The following CEP95 variants were observed in gnomAD, a reference collection of about 807,000 sequenced individuals.
The protein encoded by CEP95 is centrosomal protein of 95 kDa.
Under a neutral mutation model 111.2 loss-of-function variants are expected in CEP95, and 98 were observed. The ratio of observed to expected loss-of-function variants is 0.88; its 90% CI spans 0.75 to 1.04. CEP95 has a LOEUF of 1.04. CEP95 is among the 50% of genes least tolerant of loss of function. The pLI, the probability that CEP95 is intolerant of heterozygous loss-of-function variation, is 0.00. For synonymous variants in CEP95, 323 were observed against 327.1 expected, an observed-to-expected ratio of 0.99 and a Z score of 0.14; for missense variants, 1,027 against 977.2, an observed-to-expected ratio of 1.05 and a Z score of -0.68.
At chr17:64,507,586 G>T (rs1378989616) in intron 1 of CEP95, 10 of 1,016,014 alleles carry the variant, frequency 9.8e-6, no homozygotes, top group Non-Finnish European at 1.1e-5. Flanking sequence ...TCTCTTCAGT[G>T]CCCTCTAGAG....
At chr17:64,513,425 A>T (rs1471548563) in intron 3 of CEP95, among the ~76,000 whole-genome samples, 1 of 152,208 alleles carries the variant, frequency 6.6e-6, no homozygotes, top group African/African-American at 2.4e-5. Context: ...TCAAGTTTCC[A>T]TGCTTTTTGC....
chr17:64,507,577 C>G (rs1555673375), intron 1 of CEP95: 6 of 1,025,638 alleles, frequency 5.9e-6, no homozygotes, highest in African/African-American at 3.5e-5. Context: ...GTGCTTTTTT[C>G]TCTTCAGTGC....
At chr17:64,508,758 C>G (rs1418978200) in intron 2 of CEP95, 38 bp downstream of exon 2, 2 of 1,204,032 alleles carry the variant, frequency 1.7e-6, no homozygotes, top group Non-Finnish European at 2.2e-6. Flanking sequence ...TTGCCTATAT[C>G]TTAGGCCAAA....
intron 14 of CEP95, 150 bp downstream of exon 14, chr17:64,532,172 T>A: frequency 7.4e-7 from 1 of 1,353,402 alleles, no homozygotes; most frequent in Non-Finnish European, 9.5e-7. Flanking sequence ...TGGCTGGTTT[T>A]CCGTAGAGGG....
intron 6 of CEP95, among the ~76,000 whole-genome samples, chr17:64,520,101 G>T (rs541033809): frequency 6.6e-6 from 1 of 152,320 alleles, no homozygotes; most frequent in East Asian, 1.9e-4. Flanking sequence ...CCAGAGTCAA[G>T]TGTGGATACT....
At chr17:64,532,096 G>A in intron 14 of CEP95, 74 bp downstream of exon 14, 2 of 1,418,452 alleles carry the variant, frequency 1.4e-6, no homozygotes, top group Non-Finnish European at 9.2e-7. Context: ...CAAGGACACA[G>A]CACTGAAAGC....
In CEP95 at chr17:64,516,602, AC is replaced by A. The variant is rs2039156687; in HGVS notation, c.368-118del. 4 of 499,694 alleles carry A rather than the reference AC, an allele frequency of 8.0e-6. No homozygotes were observed. The Admixed American group carries it at 1.5e-4, about 19-fold the overall frequency. 31.0% of individuals were successfully genotyped at this position (499,694 alleles called of 1,614,324 possible). A position where few individuals can be genotyped will look rare whatever the true frequency, so the allele number is the denominator to read the frequency against. Reference sequence around the variant, plus strand: ...TCTTTCTGATTGCACTTTCACTAGAACCCTGTTTACCATGGCAAGTTAGGGG... The same window carrying A: ...TCTTTCTGATTGCACTTTCACTAGAACCTGTTTACCATGGCAAGTTAGGGG... On this transcript the variant is annotated intron_variant, in intron 4 of 19. Coordinates refer to ENST00000556440, the MANE Select transcript of CEP95 (RefSeq NM_138363.3).
At chr17:64,532,580 A>G in intron 14 of CEP95, 1 of 1,257,078 alleles carries the variant, frequency 8.0e-7, no homozygotes, top group Non-Finnish European at 1.0e-6. Context: ...ACCCACAGGC[A>G]CTGAAGCGGC....
chr17:64,507,086 T>C lies in CEP95; in HGVS notation c.-12T>C, dbSNP rs1555673161. The C allele has an allele frequency of 6.4e-7, 1 of 1,551,240 alleles. No homozygotes were observed. Among genetic ancestry groups the C allele is most frequent in the Middle Eastern group, 1.7e-4 (1 of 5,890 alleles). On this transcript the variant is annotated 5_prime_UTR_variant, in exon 1 of 20. Transcript: ENST00000556440. The stretch of plus-strand genomic sequence containing the variant: ...GCCGCGTCGGAGTCCGGCGGCGACC[T>C]GCCTCTGAAACATGGCAGGCTCGGA...
At chr17:64,532,695 A>C in intron 14 of CEP95, 144 bp from the exon 15 acceptor site, 1 of 1,442,812 alleles carries the variant, frequency 6.9e-7, no homozygotes, top group Non-Finnish European at 9.1e-7. Context: ...TCAGAGGAGT[A>C]ATGCAAATTA....
intron 1 of CEP95, chr17:64,507,834 T>A (rs1423932173): frequency 7.1e-6 from 7 of 985,318 alleles, no homozygotes; most frequent in East Asian, 1.1e-4. Flanking sequence ...GAAAGTGCTT[T>A]CCTACCAATT....
intron 3 of CEP95, among the ~76,000 whole-genome samples, chr17:64,511,360 C>G (rs987844026): frequency 6.6e-6 from 1 of 152,154 alleles, no homozygotes. Context: ...AAAAGATGGC[C>G]ACGCCCGGGG....
In CEP95 at chr17:64,537,657, C is replaced by T. The variant is rs1968747700; in HGVS notation, c.2344C>T (p.Gln782Ter). Residue 782 changes from glutamine to a stop codon, truncating the protein, a stop_gained, in exon 20 of 20, where the codon CAG becomes TAG. Transcript: ENST00000556440. LOFTEE classifies it high-confidence loss of function. ...ATCTAAGATGGAGAAGGAAATTCAG[C>T]AGCTGCAGGACATGATAACACAGAA... is the stretch of plus-strand genomic sequence containing the variant. Reference protein sequence around the residue: ...LRSKMEKEIQQLQDMITQNDD... With the variant: ...LRSKMEKEIQ 1 of 1,612,298 alleles carries T rather than the reference C, an allele frequency of 6.2e-7. No individual in the cohort carries two copies. The highest frequency in any genetic ancestry group is 1.1e-5 in the South Asian group (1 of 90,768).
intron 12 of CEP95, among the ~76,000 whole-genome samples, chr17:64,530,100 G>A (rs1568150456): frequency 6.6e-6 from 1 of 152,082 alleles, no homozygotes. Flanking sequence ...ATATGTTAAA[G>A]TAATGTAGAG....
Position 64,514,481 on chromosome 17 carries a change from C to T in CEP95, c.367+123C>T, listed in dbSNP as rs782051581. 115 of 534,864 alleles carry T rather than the reference C, an allele frequency of 2.2e-4. 1 individual carries two copies. In the East Asian group the frequency reaches 3.0e-3, roughly 14 times the overall value. The allele number at this position is 534,864 out of a possible 1,614,324, so 33.1% of individuals were successfully genotyped here. On this transcript the variant is annotated intron_variant, in intron 4 of 19. Transcript: ENST00000556440. The stretch of plus-strand genomic sequence containing the variant: ...TCACTAATACAGTATACCTGATAAC[C>T]GTAGTTGTAAATTTCAAATTCTTAT...
At chr17:64,509,129 C>T (rs1384373113) in intron 2 of CEP95, among the ~76,000 whole-genome samples, 1 of 152,170 alleles carries the variant, frequency 6.6e-6, no homozygotes, top group Non-Finnish European at 1.5e-5. Flanking sequence ...GATTCTGTTA[C>T]TTAACCAGTG....
At chr17:64,536,495 A>G in intron 17 of CEP95, 107 bp from the exon 18 acceptor site, 1 of 722,496 alleles carries the variant, frequency 1.4e-6, no homozygotes, top group East Asian at 2.7e-5. Context: ...TCTGAATAAA[A>G]CTAGTATTTA....
At position 64,508,599 on chromosome 17, in the gene CEP95, A is replaced by AAC; in HGVS notation, c.28_29dup (p.Ile11ProfsTer14). The AAC allele has an allele frequency of 3.6e-6, 5 of 1,405,952 alleles. No individual in the cohort carries two copies. The highest frequency in any genetic ancestry group is 4.7e-6 in the Non-Finnish European group (5 of 1,068,988). The allele number at this position is 1,405,952 out of a possible 1,614,324, so 87.1% of individuals were successfully genotyped here. A position where few individuals can be genotyped will look rare whatever the true frequency, so the allele number is the denominator to read the frequency against. On this transcript the variant is annotated frameshift_variant, in exon 2 of 20. Coordinates refer to ENST00000556440, the MANE Select transcript of CEP95 (RefSeq NM_138363.3). LOFTEE classifies it high-confidence loss of function. ...CCCCCTTTTTCCCAACAGAGTGGGTAACCATTGCCAATAACCTTCTTTTTA... is the reference window on the plus strand; with the variant it reads ...CCCCCTTTTTCCCAACAGAGTGGGTAACACCATTGCCAATAACCTTCTTTTTA...
At chr17:64,518,325 T>C (rs1967035499) in intron 5 of CEP95, among the ~76,000 whole-genome samples, 2 of 152,236 alleles carry the variant, frequency 1.3e-5, no homozygotes, top group African/African-American at 4.8e-5. Context: ...ATTCTTTTTT[T>C]CCTCATATCT....
Sources: gnomAD v4.1 joint callset for allele counts (sites outside exome capture counted in the v4.1 genomes callset) on GRCh38, gnomAD v4.1.1 for gene constraint, MANE v1.5 for transcripts, NCBI Gene and HGNC (gene_info 2026-07-23, HGNC 2026-07-21) for gene names.